Variants in RIT2 observed in about 807,000 individuals in gnomAD.
RIT2 encodes Ras like without CAAX 2.
A neutral mutation model predicts 23.7 loss-of-function variants in RIT2; 24 were observed. The observed-to-expected ratio is 1.01, with a 90% confidence interval of 0.73 to 1.43. The LOEUF (loss-of-function observed/expected upper bound fraction) is 1.43, where lower values mean the gene tolerates loss of function less well. RIT2 is among the 40% of genes most tolerant of loss of function. The pLI is 0.00. For synonymous variants in RIT2, 107 were observed against 91.1 expected, an observed-to-expected ratio of 1.17 and a Z score of -0.99; for missense variants, 236 against 266.9, an observed-to-expected ratio of 0.88 and a Z score of 0.81.
intron 2 of RIT2, among the ~76,000 whole-genome samples, chr18:43,018,735 A>T (rs1568057320): frequency 6.6e-6 from 1 of 152,092 alleles, no homozygotes; most frequent in African/African-American, 2.4e-5. Flanking sequence ...GGACAAATGC[A>T]GTCTTTTCTA....
intron 4 of RIT2, among the ~76,000 whole-genome samples, chr18:42,781,169 AC>A (rs2143932003): frequency 8.7e-6 from 1 of 114,306 alleles, no homozygotes; most frequent in East Asian, 2.7e-4. Context: ...AAACTGGTTC[AC>A]TTTTAAATTT....
chr18:42,800,477 T>G (rs1905499652), intron 4 of RIT2, among the ~76,000 whole-genome samples: 1 of 151,948 alleles, frequency 6.6e-6, no homozygotes, highest in East Asian at 1.9e-4. Context: ...CGATCTACTC[T>G]TAAGGTAATT....
In RIT2 at chr18:42,887,628, C is replaced by T. The variant is rs573385068; in HGVS notation, c.426+35944G>A. Reference sequence around the variant, plus strand: ...AGTCTCCTATGAAGTTAAGCATACTCTTGTCATGCAACCCAGCAATCAAGC... The same window carrying T: ...AGTCTCCTATGAAGTTAAGCATACTTTTGTCATGCAACCCAGCAATCAAGC... On this transcript the variant is annotated intron_variant, in intron 4 of 4. Transcript: ENST00000326695. Among the ~76,000 whole-genome samples the T allele has an allele frequency of 3.9e-5, 6 of 152,270 alleles. No homozygotes were observed. The South Asian group carries it at 8.3e-4, about 21-fold the overall frequency.
At chr18:42,795,299 G>A (rs182883578) in intron 4 of RIT2, among the ~76,000 whole-genome samples, 1 of 152,326 alleles carries the variant, frequency 6.6e-6, no homozygotes, top group East Asian at 1.9e-4. Flanking sequence ...CGGGCCAGCT[G>A]GAGTTCCGGG....
intron 2 of RIT2, among the ~76,000 whole-genome samples, chr18:43,004,720 A>G (rs931067691): frequency 6.6e-6 from 1 of 151,882 alleles, no homozygotes; most frequent in Non-Finnish European, 1.5e-5. Context: ...CTATGAGACC[A>G]TTCACTACAA....
chr18:43,047,672 G>A (rs1239248887), intron 1 of RIT2, among the ~76,000 whole-genome samples: 1 of 152,098 alleles, frequency 6.6e-6, no homozygotes, highest in Non-Finnish European at 1.5e-5. Context: ...TAAGCAAAAT[G>A]TGAAGAAAAA....
chr18:42,968,702 G>A (rs545949641), intron 3 of RIT2, among the ~76,000 whole-genome samples: 45 of 152,232 alleles, frequency 3.0e-4, no homozygotes, highest in Admixed American at 1.8e-3. Flanking sequence ...CTGACTATAT[G>A]GCAAGTACTT....
chr18:42,938,727 T>C (rs1260186968), intron 3 of RIT2, among the ~76,000 whole-genome samples: 1 of 152,136 alleles, frequency 6.6e-6, no homozygotes, highest in African/African-American at 2.4e-5. Flanking sequence ...AAATTATTGA[T>C]ATAGCACACA....
intron 2 of RIT2, among the ~76,000 whole-genome samples, chr18:43,023,096 A>G (rs1191901127): frequency 6.6e-6 from 1 of 152,000 alleles, no homozygotes; most frequent in Non-Finnish European, 1.5e-5. Context: ...ACTTCCTTGG[A>G]CTGATTCAAT....
chr18:42,809,189 T>G (rs1188622113), intron 4 of RIT2, among the ~76,000 whole-genome samples: 2 of 152,104 alleles, frequency 1.3e-5, no homozygotes, highest in African/African-American at 4.8e-5. Flanking sequence ...AGTCATAAAA[T>G]TTTAGTGTTG....
chr18:42,967,123 A>T (rs1910244613), intron 3 of RIT2, among the ~76,000 whole-genome samples: 1 of 152,024 alleles, frequency 6.6e-6, no homozygotes, highest in Non-Finnish European at 1.5e-5. Flanking sequence ...TTTTGTGAAA[A>T]ATATCATAAA....
intron 1 of RIT2, among the ~76,000 whole-genome samples, chr18:43,096,182 C>T (rs75923805): frequency 0.11 from 16,652 of 151,754 alleles, 1,236 homozygotes; most frequent in East Asian, 0.37. Context: ...TTAAGAAATC[C>T]ACGAAAGCAC....
At position 42,950,014 on chromosome 18, in the gene RIT2, TA is replaced by T. The variant is rs1300241147; in HGVS notation, c.234+24059del. Among the ~76,000 whole-genome samples the T allele has an allele frequency of 2.0e-5, 3 of 152,222 alleles. No individual in the cohort carries two copies. In the East Asian group the frequency reaches 5.8e-4, roughly 29 times the overall value. On this transcript the variant is annotated intron_variant, in intron 3 of 4. Transcript: ENST00000326695. The stretch of plus-strand genomic sequence containing the variant: ...ATTAAAACAGCTCATGCACAAGATA[TA>T]ACATATTAAATCATATAATGAGGCT...
intron 1 of RIT2, among the ~76,000 whole-genome samples, chr18:43,082,886 A>G (rs1056985627): frequency 1.3e-5 from 2 of 152,196 alleles, no homozygotes; most frequent in Non-Finnish European, 2.9e-5. Context: ...GGCCAGGGCA[A>G]TCAGGCAAGA....
chr18:42,939,137 A>C (rs921566296), intron 3 of RIT2, among the ~76,000 whole-genome samples: 1 of 152,174 alleles, frequency 6.6e-6, no homozygotes, highest in Non-Finnish European at 1.5e-5. Context: ...GAACGTAAGA[A>C]AGCAGATGAT....
At chr18:43,035,795 C>G (rs1911960655) in intron 1 of RIT2, among the ~76,000 whole-genome samples, 1 of 152,178 alleles carries the variant, frequency 6.6e-6, no homozygotes, top group South Asian at 2.1e-4. Flanking sequence ...GGCTATACAC[C>G]CGCCTTAGTG....
chr18:42,908,877 C>A, intron 4 of RIT2, among the ~76,000 whole-genome samples: 1 of 152,120 alleles, frequency 6.6e-6, no homozygotes, highest in South Asian at 2.1e-4. Flanking sequence ...TTTGTTCCAA[C>A]CTAATAAATT....
intron 4 of RIT2, among the ~76,000 whole-genome samples, chr18:42,908,944 T>C (rs1407501889): frequency 2.0e-5 from 3 of 152,040 alleles, no homozygotes; most frequent in African/African-American, 7.2e-5. Flanking sequence ...AAACAAGAAC[T>C]ACCATTTGAT....
At chr18:42,938,450 T>G (rs1219809117) in intron 3 of RIT2, among the ~76,000 whole-genome samples, 1 of 152,178 alleles carries the variant, frequency 6.6e-6, no homozygotes, top group African/African-American at 2.4e-5. Context: ...GTTTAAGACA[T>G]GTGGTACATA....
Sources: gnomAD v4.1 joint callset for allele counts (sites outside exome capture counted in the v4.1 genomes callset) on GRCh38, gnomAD v4.1.1 for gene constraint, MANE v1.5 for transcripts, NCBI Gene and HGNC (gene_info 2026-07-23, HGNC 2026-07-21) for gene names.